The following HLCS variants were observed in gnomAD, a reference collection of about 807,000 sequenced individuals.
HLCS encodes the protein holocarboxylase synthetase, also known as biotin--protein ligase.
HLCS carries 53 observed loss-of-function variants against 75.0 expected under a neutral mutation model. The ratio of observed to expected loss-of-function variants is 0.71; its 90% CI spans 0.57 to 0.89. The LOEUF is 0.89. HLCS is among the 40% of genes least tolerant of loss of function. The probability of loss-of-function intolerance (pLI) is 0.00; values close to 1 mark genes in which losing one functional copy is unlikely to be tolerated. For synonymous variants in HLCS, 431 were observed against 428.6 expected (o/e 1.01, Z -0.07); for missense variants, 966 against 1,074.0 (o/e 0.90, Z 1.41).
chr21:36,862,615 G>A (rs543982226), intron 6 of HLCS, among the ~76,000 whole-genome samples: 3 of 152,074 alleles, frequency 2.0e-5, no homozygotes, highest in South Asian at 4.2e-4. Context: ...GTATTCTTTC[G>A]AATTTCACAT....
intron 6 of HLCS, among the ~76,000 whole-genome samples, chr21:36,775,934 A>G (rs563757759): frequency 9.8e-5 from 15 of 152,322 alleles, no homozygotes; most frequent in East Asian, 3.9e-4. Flanking sequence ...TTTTTGTGCT[A>G]TGAGTGGCAT....
Position 36,750,517 on chromosome 21 carries a change from C to T in HLCS, c.*3729G>A, listed in dbSNP as rs1022945336. ...TTTATCCTTTTAAAAGTCCTATCAG[C>T]CCTGCCTTCGTCCCTTCCGCCCTAA... On this transcript the variant is annotated 3_prime_UTR_variant, in exon 11 of 11. Coordinates refer to ENST00000674895, the MANE Select transcript of HLCS (RefSeq NM_001352514.2). 2.0e-5 allele frequency among the ~76,000 whole-genome samples: 3 copies of T among 152,188 alleles called. No homozygotes were observed. The highest frequency in any genetic ancestry group is 4.1e-4 in the South Asian group (2 of 4,824).
At chr21:36,791,553 C>T (rs758618575) in intron 6 of HLCS, among the ~76,000 whole-genome samples, 5 of 152,208 alleles carry the variant, frequency 3.3e-5, no homozygotes, top group Non-Finnish European at 5.9e-5. Flanking sequence ...TTTGACCTCA[C>T]CTGCGACTTT....
intron 6 of HLCS, among the ~76,000 whole-genome samples, chr21:36,859,278 C>T (rs968706174): frequency 6.6e-6 from 1 of 152,224 alleles, no homozygotes; most frequent in Non-Finnish European, 1.5e-5. Flanking sequence ...CGCTTGGCCT[C>T]CCAAAGTGCT....
Position 36,778,094 on chromosome 21 carries a change from A to G in HLCS, c.1893-10809T>C, listed in dbSNP as rs188097790. ...CACCATTCTCCTGCCTCAGCCTCCC[A>G]AGTAGCTGGGACTACAGGCGCCCGC... On this transcript the variant is annotated intron_variant, in intron 6 of 10. Transcript: ENST00000674895. Among the ~76,000 whole-genome samples the G allele has an allele frequency of 1.0e-3, 154 of 151,720 alleles. 1 individual carries two copies. Among genetic ancestry groups the G allele is most frequent in the Middle Eastern group, 3.4e-3 (1 of 290 alleles).
chr21:36,935,284 T>C lies in HLCS; in HGVS notation c.1437+1165A>G, dbSNP rs570863537. On this transcript the variant is annotated intron_variant, in intron 4 of 10. Coordinates refer to ENST00000674895, the MANE Select transcript of HLCS (RefSeq NM_001352514.2). ...GTGGCCTGCAGCACTGCAGGAAACC[T>C]GCTTGGGCTGTACGTGTTCATCTGT... Among the ~76,000 whole-genome samples the C allele has an allele frequency of 4.7e-4, 71 of 152,370 alleles. 1 individual carries two copies. The South Asian group carries it at 0.014, about 29-fold the overall frequency.
At chr21:36,887,184 C>T (rs1474326727) in intron 6 of HLCS, among the ~76,000 whole-genome samples, 2 of 151,816 alleles carry the variant, frequency 1.3e-5, no homozygotes, top group South Asian at 2.1e-4. Flanking sequence ...TTGACCAAGC[C>T]GGGTAGCACC....
chr21:36,814,252 C>T (rs1462261256), intron 6 of HLCS, among the ~76,000 whole-genome samples: 1 of 152,170 alleles, frequency 6.6e-6, no homozygotes, highest in Non-Finnish European at 1.5e-5. Context: ...AAATGGTGGA[C>T]TCTGCAGGTT....
At chr21:36,945,401 C>G (rs778585323) in intron 2 of HLCS, among the ~76,000 whole-genome samples, 6 of 152,022 alleles carry the variant, frequency 3.9e-5, no homozygotes, top group African/African-American at 1.2e-4. Context: ...GTAGAAACAA[C>G]CCAAATGTCC....
chr21:36,770,042 G>C (rs2090176409), intron 6 of HLCS, among the ~76,000 whole-genome samples: 1 of 150,590 alleles, frequency 6.6e-6, no homozygotes, highest in Non-Finnish European at 1.5e-5. Context: ...GGAATAATTT[G>C]TAATCAAATC....
intron 1 of HLCS, among the ~76,000 whole-genome samples, chr21:36,983,986 C>T (rs1221172476): frequency 2.0e-5 from 3 of 152,048 alleles, no homozygotes; most frequent in Non-Finnish European, 2.9e-5. Flanking sequence ...TATGCACAAA[C>T]CACCATTGCC....
chr21:36,874,419 T>A lies in HLCS; in HGVS notation c.1892+22441A>T, dbSNP rs979439108. Among the ~76,000 whole-genome samples, 266 of 150,650 alleles carry A rather than the reference T, an allele frequency of 1.8e-3. 2 individuals are homozygous for A. The highest frequency in any genetic ancestry group is 1.7e-3 in the Non-Finnish European group (115 of 67,630). ...TCCGTCTCAAAAAAATAAAATAAAA[T>A]AAAATAAAATAAAATAAATAAATTA... is the stretch of plus-strand genomic sequence containing the variant. On this transcript the variant is annotated intron_variant, in intron 6 of 10. Coordinates refer to ENST00000674895, the MANE Select transcript of HLCS (RefSeq NM_001352514.2).
At chr21:36,925,360 G>A (rs564786175) in intron 5 of HLCS, among the ~76,000 whole-genome samples, 59 of 152,252 alleles carry the variant, frequency 3.9e-4, no homozygotes, top group African/African-American at 1.3e-3. Flanking sequence ...GTTAGCCACC[G>A]TTGGCCACGA....
rs2089342820 is a variant in HLCS at position 36,750,861 on chromosome 21, A to C, written c.*3385T>G. ...CAAGTCAAGAAGTTTCCACAAAAGA[A>C]AAGAAAAATCCTAAAAACAATCTAG... On this transcript the variant is annotated 3_prime_UTR_variant, in exon 11 of 11. Coordinates refer to ENST00000674895, the MANE Select transcript of HLCS (RefSeq NM_001352514.2). 6.6e-6 allele frequency: 1 copy of C among 151,988 alleles called. No homozygotes were observed. The highest frequency in any genetic ancestry group is 1.5e-5 in the Non-Finnish European group (1 of 68,014). 9.4% of individuals were successfully genotyped at this position (151,988 alleles called of 1,614,324 possible).
intron 6 of HLCS, among the ~76,000 whole-genome samples, chr21:36,885,780 C>T (rs1406703061): frequency 6.6e-6 from 1 of 152,114 alleles, no homozygotes; most frequent in Non-Finnish European, 1.5e-5. Context: ...GTCCCAGAGC[C>T]TCACACAGGA....
At position 36,892,838 on chromosome 21, in the gene HLCS, T is replaced by A. The variant is rs553442630; in HGVS notation, c.1892+4022A>T. The stretch of plus-strand genomic sequence containing the variant: ...AAATTTCACTCCTACTTCAGCCCAT[T>A]AGGAAAGAGCTGCTCAATTGCTGAA... On this transcript the variant is annotated intron_variant, in intron 6 of 10. Coordinates refer to ENST00000674895, the MANE Select transcript of HLCS (RefSeq NM_001352514.2). 2.6e-5 allele frequency among the ~76,000 whole-genome samples: 4 copies of A among 152,296 alleles called. No individual in the cohort carries two copies. In the South Asian group the frequency reaches 8.3e-4, roughly 32 times the overall value.
At chr21:36,830,749 G>A (rs2062176147) in intron 6 of HLCS, among the ~76,000 whole-genome samples, 1 of 150,112 alleles carries the variant, frequency 6.7e-6, no homozygotes, top group African/African-American at 2.5e-5. Context: ...CAAGCCCCTG[G>A]AAGTTGAGGC....
intron 6 of HLCS, among the ~76,000 whole-genome samples, chr21:36,775,167 G>C (rs2060318336): frequency 6.6e-6 from 1 of 152,174 alleles, no homozygotes; most frequent in Non-Finnish European, 1.5e-5. Context: ...CATTTCCGTA[G>C]CTCCTGGCAT....
intron 5 of HLCS, among the ~76,000 whole-genome samples, chr21:36,911,678 G>C (rs1313310155): frequency 2.0e-5 from 3 of 149,608 alleles, no homozygotes; most frequent in Non-Finnish European, 4.4e-5. Context: ...GGACTCGGGA[G>C]GCGGAGCTTG....
Sources: allele counts gnomAD v4.1 joint callset (sites outside exome capture counted in the v4.1 genomes callset), GRCh38; gene constraint gnomAD v4.1.1; transcripts MANE v1.5; gene names NCBI Gene and HGNC (gene_info 2026-07-23, HGNC 2026-07-21).